Variants in ATG5 observed in about 807,000 individuals in gnomAD.
ATG5 encodes the protein autophagy protein 5.
Under a neutral mutation model 36.5 loss-of-function variants are expected in ATG5, and 14 were observed. The observed-to-expected ratio is 0.38, with a 90% CI of 0.25 to 0.60. The LOEUF is 0.60. ATG5 is among the 20% of genes least tolerant of loss of function. The probability of loss-of-function intolerance (pLI) is 0.60; values close to 1 mark genes in which losing one functional copy is unlikely to be tolerated. For missense variants in ATG5, 195 were observed against 326.7 expected (o/e 0.60, Z 3.11); for synonymous variants, 95 against 101.5 (o/e 0.94, Z 0.38).
intron 7 of ATG5, 68 bp from the exon 8 acceptor site, chr6:106,186,744 T>C: frequency 1.3e-6 from 2 of 1,548,606 alleles, no homozygotes; most frequent in Non-Finnish European, 1.8e-6. Context: ...ATCTGGTGCC[T>C]TTTGAGAATC....
At chr6:106,283,313 T>C (rs1779949745) in intron 4 of ATG5, 1 of 152,224 alleles carries the variant, frequency 6.6e-6, no homozygotes, top group African/African-American at 2.4e-5. Context: ...CTAACACAAG[T>C]TGGCAAGTGT....
At chr6:106,325,408 C>G (rs1185854364) in intron 1 of ATG5, 118 bp downstream of exon 1, 1 of 152,516 alleles carries the variant, frequency 6.6e-6, no homozygotes, top group Non-Finnish European at 1.5e-5. Context: ...GCCATCGCGG[C>G]CGGGCGGGCG....
At chr6:106,224,531 G>A (rs2114439240) in intron 6 of ATG5, among the ~76,000 whole-genome samples, 1 of 152,314 alleles carries the variant, frequency 6.6e-6, no homozygotes, top group Middle Eastern at 3.4e-3. Context: ...GTAGTGAATG[G>A]AAGTAGATTG....
chr6:106,264,008 G>A (rs1779129658), intron 5 of ATG5, among the ~76,000 whole-genome samples: 1 of 152,040 alleles, frequency 6.6e-6, no homozygotes. Context: ...TGAATTGACA[G>A]AAGAAGGCTT....
At chr6:106,296,589 G>T (rs1173596150) in intron 3 of ATG5, among the ~76,000 whole-genome samples, 1 of 152,116 alleles carries the variant, frequency 6.6e-6, no homozygotes, top group South Asian at 2.1e-4. Context: ...AGGCTGAGGC[G>T]GGTGGTTCAC....
intron 7 of ATG5, among the ~76,000 whole-genome samples, chr6:106,189,352 C>T (rs565001247): frequency 6.6e-6 from 1 of 152,164 alleles, no homozygotes; most frequent in East Asian, 1.9e-4. Flanking sequence ...TGTCTGTAAT[C>T]CCAGCACTTT....
intron 5 of ATG5, among the ~76,000 whole-genome samples, chr6:106,277,586 G>A (rs1212402447): frequency 6.6e-6 from 1 of 152,208 alleles, no homozygotes; most frequent in Non-Finnish European, 1.5e-5. Flanking sequence ...AGGCCAAGGC[G>A]GGCAGATCAC....
chr6:106,222,094 G>A (rs1307174064), intron 6 of ATG5, among the ~76,000 whole-genome samples: 2 of 152,066 alleles, frequency 1.3e-5, no homozygotes, highest in African/African-American at 2.4e-5. Flanking sequence ...GTTTCACCAC[G>A]TTAAACCATG....
At chr6:106,240,670 T>G (rs558232768) in intron 6 of ATG5, among the ~76,000 whole-genome samples, 2 of 152,170 alleles carry the variant, frequency 1.3e-5, no homozygotes, top group South Asian at 4.1e-4. Context: ...GCTGGCAATT[T>G]TTTTTTTAAT....
At chr6:106,323,019 A>G (rs1771151122) in intron 1 of ATG5, among the ~76,000 whole-genome samples, 1 of 152,026 alleles carries the variant, frequency 6.6e-6, no homozygotes, top group African/African-American at 2.4e-5. Context: ...TCCCGGGTTC[A>G]TGCCATTCTC....
At chr6:106,289,891 G>A (rs1333924530) in intron 4 of ATG5, among the ~76,000 whole-genome samples, 1 of 152,144 alleles carries the variant, frequency 6.6e-6, no homozygotes, top group Non-Finnish European at 1.5e-5. Context: ...TCTACAATAT[G>A]TTGTTTTGGT....
chr6:106,237,631 C>T (rs1296744508), intron 6 of ATG5, among the ~76,000 whole-genome samples: 1 of 152,188 alleles, frequency 6.6e-6, no homozygotes, highest in African/African-American at 2.4e-5. Context: ...AAAAATCACT[C>T]TACATCCCAT....
chr6:106,212,124 T>C (rs775393472), intron 6 of ATG5, among the ~76,000 whole-genome samples: 10 of 152,254 alleles, frequency 6.6e-5, no homozygotes, highest in Non-Finnish European at 1.3e-4. Flanking sequence ...TACTATGTGT[T>C]ATTTAAGAAT....
chr6:106,311,540 CA>C (rs1219283167), intron 2 of ATG5, among the ~76,000 whole-genome samples: 1 of 152,032 alleles, frequency 6.6e-6, no homozygotes, highest in African/African-American at 2.4e-5. Flanking sequence ...GGAATGAATA[CA>C]AAGAAACAAA....
At chr6:106,264,418 C>T (rs945544109) in intron 5 of ATG5, among the ~76,000 whole-genome samples, 16 of 152,122 alleles carry the variant, frequency 1.1e-4, no homozygotes, top group Middle Eastern at 3.2e-3. Flanking sequence ...AAACACACTT[C>T]GGGGTATTAT....
chr6:106,216,030 G>C (rs1159492802), intron 6 of ATG5, among the ~76,000 whole-genome samples: 2 of 152,160 alleles, frequency 1.3e-5, no homozygotes, highest in Non-Finnish European at 2.9e-5. Context: ...TTAGGAAAGA[G>C]CAAAAACCAA....
In ATG5 at chr6:106,296,419, T is replaced by C. The variant is rs1465049156; in HGVS notation, c.237-3313A>G. ...AATAAGACACTAAAACAGTAAGAAT[T>C]TGAAAAAATAACATGATGCCTAGAA... On this transcript the variant is annotated intron_variant, in intron 3 of 7. Transcript: ENST00000369076. 3.9e-5 allele frequency among the ~76,000 whole-genome samples: 6 copies of C among 152,226 alleles called. No homozygotes were observed. In the East Asian group the frequency reaches 9.6e-4, roughly 24 times the overall value.
At chr6:106,231,414 C>A (rs758892292) in intron 6 of ATG5, among the ~76,000 whole-genome samples, 1 of 152,264 alleles carries the variant, frequency 6.6e-6, no homozygotes, top group Non-Finnish European at 1.5e-5. Flanking sequence ...GAGAACGATT[C>A]CCCACAGGCC....
chr6:106,307,553 TTTTG>T (rs1770495889), intron 3 of ATG5, among the ~76,000 whole-genome samples: 1 of 151,048 alleles, frequency 6.6e-6, no homozygotes. Flanking sequence ...TTTTTTTTTT[TTTTG>T]AGACAGAGTT....
Sources: allele counts gnomAD v4.1 joint callset (sites outside exome capture counted in the v4.1 genomes callset), GRCh38; gene constraint gnomAD v4.1.1; transcripts MANE v1.5; gene names NCBI Gene and HGNC (gene_info 2026-07-23, HGNC 2026-07-21).